The following SRD5A2 variants were observed in gnomAD, a reference collection of about 807,000 sequenced individuals.
SRD5A2 encodes the protein steroid 5 alpha-reductase 2, also known as 3-oxo-5-alpha-steroid 4-dehydrogenase 2.
SRD5A2 carries 30 observed loss-of-function variants against 27.4 expected under a neutral mutation model. The ratio of observed to expected loss-of-function variants is 1.10; its 90% confidence interval spans 0.82 to 1.49. The LOEUF is 1.49. Ranked by LOEUF, SRD5A2 falls within the 40% of genes most tolerant of loss-of-function variation. The pLI, the probability that SRD5A2 is intolerant of heterozygous loss-of-function variation, is 0.00. For synonymous variants in SRD5A2, 141 were observed against 133.6 expected, an observed-to-expected ratio of 1.06 and a Z score of -0.38; for missense variants, 348 against 323.4, an observed-to-expected ratio of 1.08 and a Z score of -0.58.
chr2:31,651,423 G>A, the SRD5A2 span: 150,111 of 230,710 alleles, frequency 0.65, 49,295 homozygotes, highest in African/African-American at 0.7. Flanking sequence ...TCCAAATGGG[G>A]TAACAGTGGC....
At chr2:31,527,512 C>CA (rs1031572539) in intron 4 of SRD5A2, 1 of 152,216 alleles carries the variant, frequency 6.6e-6, no homozygotes, top group Non-Finnish European at 1.5e-5. Context: ...GGTCTGACAT[C>CA]ACAGGATGAG....
chr2:31,594,596 G>A, the SRD5A2 span, among the ~76,000 whole-genome samples: 2 of 152,058 alleles, frequency 1.3e-5, no homozygotes, highest in African/African-American at 4.8e-5. Context: ...TAGCAACAGA[G>A]TAATAGTGGG....
At chr2:31,529,724 G>GGT (rs1442855253) in intron 3 of SRD5A2, among the ~76,000 whole-genome samples, 2 of 152,156 alleles carry the variant, frequency 1.3e-5, no homozygotes, top group Non-Finnish European at 2.9e-5. Context: ...ACAACTGCTG[G>GGT]ACCACTAGCT....
the SRD5A2 span, among the ~76,000 whole-genome samples, chr2:31,659,906 T>C: frequency 6.6e-6 from 1 of 152,112 alleles, no homozygotes; most frequent in Non-Finnish European, 1.5e-5. Flanking sequence ...CTGATAGTCT[T>C]TTTATTTTTC....
the SRD5A2 span, among the ~76,000 whole-genome samples, chr2:31,612,494 TA>T: frequency 1.3e-4 from 20 of 152,118 alleles, no homozygotes; most frequent in Non-Finnish European, 2.1e-4. Context: ...CTTAAAATGA[TA>T]AAACATTGAT....
At chr2:31,599,026 A>C in the SRD5A2 span, among the ~76,000 whole-genome samples, 1 of 152,014 alleles carries the variant, frequency 6.6e-6, no homozygotes. Flanking sequence ...TGCTATACTT[A>C]TATCAGACAA....
chr2:31,527,071 C>T (rs890907980), intron 4 of SRD5A2: 2 of 152,158 alleles, frequency 1.3e-5, no homozygotes, highest in Non-Finnish European at 2.9e-5. Flanking sequence ...TCCCTAGAGC[C>T]GTCACGGGGG....
chr2:31,623,968 G>A, the SRD5A2 span, among the ~76,000 whole-genome samples: 1 of 152,062 alleles, frequency 6.6e-6, no homozygotes, highest in Non-Finnish European at 1.5e-5. Flanking sequence ...TGATCGTGTT[G>A]GATAAGCTTC....
the SRD5A2 span, among the ~76,000 whole-genome samples, chr2:31,652,280 A>G: frequency 1.3e-5 from 2 of 152,192 alleles, no homozygotes; most frequent in Non-Finnish European, 2.9e-5. Flanking sequence ...TCATTCATCA[A>G]ATACATTTGC....
chr2:31,554,963 GTGTGTA>G (rs1188481645), intron 1 of SRD5A2, among the ~76,000 whole-genome samples: 3 of 143,400 alleles, frequency 2.1e-5, no homozygotes, highest in East Asian at 2.0e-4. Flanking sequence ...GTGTGTGTGT[GTGTGTA>G]TGTGTGTGTG....
Position 31,533,723 on chromosome 2 carries a change from C to G in SRD5A2, c.325G>C (p.Ala109Pro). The stretch of plus-strand genomic sequence containing the variant: ...GCAGTGCCTCTGAGAATGAGTATAG[C>G]TGGATAAGGCCTCCCTCGATTGAGC... ...SLLNRGRPYP[A>P]ILILRGTAFC... Residue 109 changes from alanine to proline, a missense_variant, in exon 2 of 5, where the codon GCT (alanine) becomes CCT (proline). Coordinates refer to ENST00000622030, the MANE Select transcript of SRD5A2 (RefSeq NM_000348.4). 1 of 1,600,722 alleles carries G rather than the reference C, an allele frequency of 6.2e-7. No homozygotes were observed.
At chr2:31,653,370 T>G in the SRD5A2 span, among the ~76,000 whole-genome samples, 2 of 152,194 alleles carry the variant, frequency 1.3e-5, no homozygotes, top group Non-Finnish European at 2.9e-5. Context: ...ATTTACACCT[T>G]AAGGTTTTAA....
chr2:31,591,635 C>T, the SRD5A2 span, among the ~76,000 whole-genome samples: 20 of 151,734 alleles, frequency 1.3e-4, no homozygotes, highest in Non-Finnish European at 1.5e-4. Flanking sequence ...GACACATGCA[C>T]ACGTATGTTT....
At chr2:31,527,729 C>T (rs1332125633) in intron 4 of SRD5A2, 1 of 152,188 alleles carries the variant, frequency 6.6e-6, no homozygotes. Flanking sequence ...CTTTTATGGG[C>T]TAGGAACCCT....
chr2:31,604,670 G>A, the SRD5A2 span, among the ~76,000 whole-genome samples: 1 of 151,854 alleles, frequency 6.6e-6, no homozygotes, highest in Admixed American at 6.6e-5. Flanking sequence ...TCCAAAAAAT[G>A]GAAAGATATT....
chr2:31,592,604 A>G, the SRD5A2 span, among the ~76,000 whole-genome samples: 4 of 152,188 alleles, frequency 2.6e-5, no homozygotes, highest in Admixed American at 2.0e-4. Context: ...AGGCAATAGC[A>G]ATCACTCCAG....
At chr2:31,537,367 C>T (rs1315798421) in intron 1 of SRD5A2, among the ~76,000 whole-genome samples, 1 of 152,172 alleles carries the variant, frequency 6.6e-6, no homozygotes, top group Non-Finnish European at 1.5e-5. Context: ...TCCTCCACTT[C>T]TTTCCTCCTT....
the SRD5A2 span, among the ~76,000 whole-genome samples, chr2:31,662,712 G>C: frequency 1.3e-5 from 2 of 152,036 alleles, no homozygotes; most frequent in South Asian, 4.1e-4. Flanking sequence ...GGCCTCAGTG[G>C]GAAGGCCGAG....
the SRD5A2 span, among the ~76,000 whole-genome samples, chr2:31,586,912 C>A: frequency 6.6e-6 from 1 of 152,166 alleles, no homozygotes. Context: ...CCTGGAGAAA[C>A]AAGACATAGG....
Sources: allele counts gnomAD v4.1 joint callset (sites outside exome capture counted in the v4.1 genomes callset), GRCh38; gene constraint gnomAD v4.1.1; transcripts MANE v1.5; gene names NCBI Gene and HGNC (gene_info 2026-07-23, HGNC 2026-07-21).